Variants in RNF144B observed in about 807,000 individuals in gnomAD.
RNF144B encodes the protein E3 ubiquitin-protein ligase RNF144B.
Under a neutral mutation model 40.2 loss-of-function variants are expected in RNF144B, and 25 were observed. That is an observed-to-expected ratio of 0.62 (90% CI 0.45 to 0.87). RNF144B has a LOEUF of 0.87. Ranked by LOEUF, RNF144B falls within the 40% of genes least tolerant of loss-of-function variation. RNF144B has a pLI of 0.00. For synonymous variants in RNF144B, 145 were observed against 136.3 expected (o/e 1.06, Z -0.44); for missense variants, 365 against 373.7 (o/e 0.98, Z 0.19).
rs757429138 is a variant in RNF144B at position 18,400,190 on chromosome 6, G to A, written c.165+491G>A. Among the ~76,000 whole-genome samples the A allele has an allele frequency of 5.9e-5, 9 of 151,610 alleles. No homozygotes were observed. Among genetic ancestry groups the A allele is most frequent in the Non-Finnish European group, 1.3e-4 (9 of 67,918 alleles). On this transcript the variant is annotated intron_variant, in intron 2 of 7. Transcript: ENST00000259939. This position sits in a 1 kb window ranked among gnomAD's most constrained non-coding sequence, Gnocchi z 5.6. Reference sequence around the variant, plus strand: ...CGGGAGGCGGAGGCAGGAGAATGGCGTGAACCTGGGAGGCAGAGCTTGCAG... The same window carrying A: ...CGGGAGGCGGAGGCAGGAGAATGGCATGAACCTGGGAGGCAGAGCTTGCAG...
intron 1 of RNF144B, among the ~76,000 whole-genome samples, chr6:18,397,398 G>A (rs1794714716): frequency 6.6e-6 from 1 of 152,122 alleles, no homozygotes; most frequent in African/African-American, 2.4e-5. Context: ...TTCTATGGCA[G>A]AATTTATTAG....
rs1758671459 is a variant in RNF144B at position 18,430,638 on chromosome 6, C to T, written c.270+2953C>T. Among the ~76,000 whole-genome samples, 3 of 148,450 alleles carry T rather than the reference C, an allele frequency of 2.0e-5. No homozygotes were observed. The South Asian group carries it at 6.7e-4, about 33-fold the overall frequency. On this transcript the variant is annotated intron_variant, in intron 3 of 7. Coordinates refer to ENST00000259939, the MANE Select transcript of RNF144B (RefSeq NM_182757.4). ...AGCTGGGACTACAGATGTGCACCAC[C>T]ATGCCTGGCTAATTTTTAATTTTTT...
chr6:18,399,618 C>T lies in RNF144B; in HGVS notation c.84C>T (p.Ile28=). The change falls in exon 2 of 8, where the codon ATC becomes ATT. Residue 28 remains isoleucine, a synonymous_variant. Coordinates refer to ENST00000259939, the MANE Select transcript of RNF144B (RefSeq NM_182757.4). The part of the protein sequence containing the change: ...TPGDLAPAPL[I]TCKLCLCEQS... Reference sequence around the variant, plus strand: ...GAGACCTGGCTCCGGCCCCCCTCATCACTTGCAAACTCTGCCTGTGTGAGC... The same window carrying T: ...GAGACCTGGCTCCGGCCCCCCTCATTACTTGCAAACTCTGCCTGTGTGAGC... 6.2e-7 allele frequency: 1 copy of T among 1,614,168 alleles called. No individual in the cohort carries two copies. The highest frequency in any genetic ancestry group is 8.5e-7 in the Non-Finnish European group (1 of 1,180,018).
rs1057434965 is a variant in RNF144B at position 18,405,446 on chromosome 6, A to C, written c.165+5747A>C. ...TGCCTCGGCCTCCCAAAGTGCTGGG[A>C]TTATAGGCGTGAGCCACCGTGCCCA... On this transcript the variant is annotated intron_variant, in intron 2 of 7. Transcript: ENST00000259939. This position sits in a 1 kb window ranked among gnomAD's most constrained non-coding sequence, Gnocchi z 4.5. Among the ~76,000 whole-genome samples the C allele has an allele frequency of 3.3e-5, 5 of 152,006 alleles. No individual in the cohort carries two copies. The highest frequency in any genetic ancestry group is 7.4e-5 in the Non-Finnish European group (5 of 68,002).
At chr6:18,394,459 G>A (rs1275793734) in intron 1 of RNF144B, among the ~76,000 whole-genome samples, 1 of 152,020 alleles carries the variant, frequency 6.6e-6, no homozygotes, top group Non-Finnish European at 1.5e-5. Flanking sequence ...TTAGCCCGGC[G>A]TGGTGGTGGG....
Position 18,422,241 on chromosome 6 carries a change from A to C in RNF144B, c.166-5340A>C, listed in dbSNP as rs1758443055. Among the ~76,000 whole-genome samples the C allele has an allele frequency of 6.6e-6, 1 of 152,212 alleles. No individual in the cohort carries two copies. Among genetic ancestry groups the C allele is most frequent in the Non-Finnish European group, 1.5e-5 (1 of 68,038 alleles). ...AATTGTGCTAATAATTTAACTCAAC[A>C]GCATCTAACAAAGGCAGTCTTATTC... is the stretch of plus-strand genomic sequence containing the variant. On this transcript the variant is annotated intron_variant, in intron 2 of 7. Coordinates refer to ENST00000259939, the MANE Select transcript of RNF144B (RefSeq NM_182757.4). The surrounding 1 kb of genome is among the most constrained non-coding windows in gnomAD (Gnocchi z 4.7).
rs372262854 is a variant in RNF144B at position 18,457,404 on chromosome 6, T to G, written c.536+45T>G. On this transcript the variant is annotated intron_variant, in intron 5 of 7. Transcript: ENST00000259939. This position sits in a 1 kb window ranked among gnomAD's most constrained non-coding sequence, Gnocchi z 5.1. ...CTTTGGGATTATTCACTAGTTTTCT[T>G]AGAAATTCAACATACCTTACGTGTA... 1.6e-5 allele frequency: 24 copies of G among 1,461,106 alleles called. No homozygotes were observed. Among genetic ancestry groups the G allele is most frequent in the Middle Eastern group, 1.7e-4 (1 of 5,800 alleles). The allele number at this position is 1,461,106 out of a possible 1,614,324, so 90.5% of individuals were successfully genotyped here.
chr6:18,446,360 G>A lies in RNF144B; in HGVS notation c.331+6616G>A, dbSNP rs561991322. On this transcript the variant is annotated intron_variant, in intron 4 of 7. Transcript: ENST00000259939. The surrounding 1 kb of genome is among the most constrained non-coding windows in gnomAD (Gnocchi z 4.7). ...GCTGAGCTGAAGGGCATTGTGAAGT[G>A]TAGGTGCCATGCTGTGCTCAGATAT... is the stretch of plus-strand genomic sequence containing the variant. 1.3e-5 allele frequency among the ~76,000 whole-genome samples: 2 copies of A among 152,300 alleles called. No homozygotes were observed. The highest frequency in any genetic ancestry group is 1.3e-4 in the Admixed American group (2 of 15,298).
chr6:18,454,230 G>A (rs1477127360), intron 4 of RNF144B, among the ~76,000 whole-genome samples: 1 of 152,142 alleles, frequency 6.6e-6, no homozygotes, highest in Non-Finnish European at 1.5e-5. Context: ...TAGTGGACCT[G>A]CCTTTGCCTC....
Position 18,460,007 on chromosome 6 carries a change from C to G in RNF144B, c.681+256C>G, listed in dbSNP as rs1397131626. On this transcript the variant is annotated intron_variant, in intron 6 of 7. Transcript: ENST00000259939. The surrounding 1 kb of genome is among the most constrained non-coding windows in gnomAD (Gnocchi z 4.4). ...ATTTCTTGCTATTTGCACATTGTCT[C>G]TATTATGTAAAGGACTATTAGTGTC... 1.3e-5 allele frequency among the ~76,000 whole-genome samples: 2 copies of G among 152,168 alleles called. No homozygotes were observed. Among genetic ancestry groups the G allele is most frequent in the East Asian group, 1.9e-4 (1 of 5,192 alleles).
At position 18,448,677 on chromosome 6, in the gene RNF144B, A is replaced by G. The variant is rs926737356; in HGVS notation, c.332-8478A>G. On this transcript the variant is annotated intron_variant, in intron 4 of 7. Coordinates refer to ENST00000259939, the MANE Select transcript of RNF144B (RefSeq NM_182757.4). The surrounding 1 kb of genome is among the most constrained non-coding windows in gnomAD (Gnocchi z 4.0). ...AGAATAATAAATCCATTTTATTTTG[A>G]AAGCCAGCATGCACACACACACACA... Among the ~76,000 whole-genome samples the G allele has an allele frequency of 1.5e-5, 2 of 132,128 alleles. No individual in the cohort carries two copies. The highest frequency in any genetic ancestry group is 5.6e-5 in the African/African-American group (2 of 36,022). 86.7% of individuals were successfully genotyped at this position (132,128 alleles called of 152,430 possible). A position where few individuals can be genotyped will look rare whatever the true frequency, so the allele number is the denominator to read the frequency against.
At chr6:18,437,987 G>A (rs751941048) in intron 3 of RNF144B, among the ~76,000 whole-genome samples, 2 of 152,166 alleles carry the variant, frequency 1.3e-5, no homozygotes, top group Non-Finnish European at 2.9e-5. Context: ...TGGGGTACAA[G>A]ACTGTCTTCT....
At chr6:18,453,810 A>G (rs1759268559) in intron 4 of RNF144B, among the ~76,000 whole-genome samples, 2 of 152,190 alleles carry the variant, frequency 1.3e-5, no homozygotes, top group South Asian at 2.1e-4. Flanking sequence ...TATCTACCAC[A>G]CAGGAGGAAC....
At chr6:18,437,933 A>C (rs1161902831) in intron 3 of RNF144B, among the ~76,000 whole-genome samples, 2 of 152,198 alleles carry the variant, frequency 1.3e-5, no homozygotes, top group Non-Finnish European at 2.9e-5. Context: ...TGAAGGATTT[A>C]AAAGGAGGTC....
rs958342126 is a variant in RNF144B, at chr6:18,457,835, A to G, written c.536+476A>G. 6.6e-6 allele frequency among the ~76,000 whole-genome samples: 1 copy of G among 152,220 alleles called. No individual in the cohort carries two copies. The highest frequency in any genetic ancestry group is 2.4e-5 in the African/African-American group (1 of 41,458). On this transcript the variant is annotated intron_variant, in intron 5 of 7. Coordinates refer to ENST00000259939, the MANE Select transcript of RNF144B (RefSeq NM_182757.4). The surrounding 1 kb of genome is among the most constrained non-coding windows in gnomAD (Gnocchi z 5.1). ...GGTCCTAAATTCTTTCAGCACGTAG[A>G]AAGGAGGGTTCTCTCATGATATTTT...
chr6:18,389,393 A>G (rs763883007), intron 1 of RNF144B, among the ~76,000 whole-genome samples: 1 of 152,220 alleles, frequency 6.6e-6, no homozygotes, highest in Non-Finnish European at 1.5e-5. Context: ...TGGTATGACC[A>G]TTTAACTTCC....
intron 2 of RNF144B, among the ~76,000 whole-genome samples, chr6:18,424,215 A>G (rs1417593733): frequency 6.6e-6 from 1 of 152,236 alleles, no homozygotes; most frequent in Non-Finnish European, 1.5e-5. Flanking sequence ...GATACAGAAG[A>G]AGAGAGGGAC....
At chr6:18,426,472 A>T (rs1447673241) in intron 2 of RNF144B, among the ~76,000 whole-genome samples, 2 of 152,194 alleles carry the variant, frequency 1.3e-5, no homozygotes, top group Admixed American at 6.5e-5. Flanking sequence ...GAATAGGGTG[A>T]GGCATTACAG....
intron 1 of RNF144B, 51 bp from the exon 2 acceptor site, chr6:18,399,448 C>A: frequency 7.5e-7 from 1 of 1,330,550 alleles, no homozygotes; most frequent in Non-Finnish European, 1.0e-6. Flanking sequence ...GTTGGCTAAA[C>A]AATAGCTTTA....
Sources: allele counts gnomAD v4.1 joint callset (sites outside exome capture counted in the v4.1 genomes callset), GRCh38; gene constraint gnomAD v4.1.1; non-coding constraint Gnocchi (gnomAD v3.1); transcripts MANE v1.5; gene names NCBI Gene and HGNC (gene_info 2026-07-23, HGNC 2026-07-21).